The following PLCH1 variants were observed in gnomAD, a reference collection of about 807,000 sequenced individuals.
PLCH1 encodes the protein phospholipase C eta 1.
A neutral mutation model predicts 126.7 loss-of-function variants in PLCH1; 60 were observed. The ratio of observed to expected loss-of-function variants is 0.47; its 90% CI spans 0.38 to 0.59. The LOEUF is 0.59. Among genes scored for constraint, PLCH1 ranks in the 20% least tolerant of loss-of-function variants. The pLI, the probability that PLCH1 is intolerant of heterozygous loss-of-function variation, is 0.00. For missense variants in PLCH1, 1,723 were observed against 2,040.0 expected, an observed-to-expected ratio of 0.84 and a Z score of 2.99; for synonymous variants, 719 against 734.9, an observed-to-expected ratio of 0.98 and a Z score of 0.35.
At chr3:155,494,636 G>A (rs547046666) in intron 15 of PLCH1, 119 bp from the exon 16 acceptor site, 32 of 770,790 alleles carry the variant, frequency 4.2e-5, no homozygotes, top group Non-Finnish European at 6.7e-5. Context: ...GCACTAGAGA[G>A]TGGATTCAAC....
At chr3:155,730,816 C>T (rs1395239505) in intron 1 of PLCH1, among the ~76,000 whole-genome samples, 1 of 152,292 alleles carries the variant, frequency 6.6e-6, no homozygotes, top group East Asian at 1.9e-4. Flanking sequence ...CCCAGGTCAC[C>T]CATGCTTTAA....
intron 2 of PLCH1, among the ~76,000 whole-genome samples, chr3:155,606,358 A>C (rs187962255): frequency 6.6e-6 from 1 of 152,296 alleles, no homozygotes; most frequent in African/African-American, 2.4e-5. Flanking sequence ...AAGAACTGTA[A>C]ATGGACAGAT....
intron 9 of PLCH1, among the ~76,000 whole-genome samples, chr3:155,551,339 G>A (rs958961164): frequency 1.4e-4 from 21 of 150,068 alleles, no homozygotes; most frequent in Admixed American, 2.7e-4. Flanking sequence ...CAGATACTCA[G>A]GAGGCTGAGG....
chr3:155,605,174 C>T (rs1034976388), intron 2 of PLCH1, among the ~76,000 whole-genome samples: 2 of 152,136 alleles, frequency 1.3e-5, no homozygotes, highest in African/African-American at 4.8e-5. Context: ...TTGTCTCCAC[C>T]ACGTGGAGGG....
intron 10 of PLCH1, among the ~76,000 whole-genome samples, chr3:155,530,596 C>A (rs1470892079): frequency 6.6e-6 from 1 of 152,184 alleles, no homozygotes; most frequent in Non-Finnish European, 1.5e-5. Flanking sequence ...ACTTCTAGTT[C>A]TCTTGTTATT....
intron 10 of PLCH1, among the ~76,000 whole-genome samples, chr3:155,546,802 T>G (rs944050784): frequency 6.7e-6 from 1 of 149,606 alleles, no homozygotes; most frequent in Non-Finnish European, 1.5e-5. Context: ...GATTCCCTAT[T>G]TAATAAATGG....
At chr3:155,458,009 G>T (rs931645176) in intron 21 of PLCH1, among the ~76,000 whole-genome samples, 2 of 152,166 alleles carry the variant, frequency 1.3e-5, no homozygotes, top group Non-Finnish European at 2.9e-5. Flanking sequence ...TGCCAGAGGG[G>T]ACCCAGAGAG....
intron 1 of PLCH1, among the ~76,000 whole-genome samples, chr3:155,738,740 T>G (rs1213815433): frequency 7.5e-6 from 1 of 134,108 alleles, no homozygotes; most frequent in African/African-American, 2.9e-5. Context: ...TGAGCCGAGA[T>G]CCCCCCACTG....
chr3:155,523,119 C>G (rs1428569847), intron 11 of PLCH1, among the ~76,000 whole-genome samples: 2 of 152,170 alleles, frequency 1.3e-5, no homozygotes, highest in South Asian at 2.1e-4. Context: ...GGACTACAGG[C>G]GCCCACCACC....
rs150841424 is a variant in PLCH1, at chr3:155,648,568, CAAAT to C, written c.80-52194_80-52191del. Among the ~76,000 whole-genome samples, 888 of 152,274 alleles carry C rather than the reference CAAAT, an allele frequency of 5.8e-3. 11 individuals are homozygous for C. Among genetic ancestry groups the C allele is most frequent in the African/African-American group, 0.02 (841 of 41,560 alleles). ...GTTATTCATATGTTCTCTCTTTCAGCAAATAAATCGTGAGCATCTACTGTGTATG... is the reference window on the plus strand; with the variant it reads ...GTTATTCATATGTTCTCTCTTTCAGCAAATCGTGAGCATCTACTGTGTATG... On this transcript the variant is annotated intron_variant, in intron 2 of 22. Transcript: ENST00000460012.
chr3:155,626,817 T>A (rs1208952114), intron 2 of PLCH1, among the ~76,000 whole-genome samples: 1 of 148,380 alleles, frequency 6.7e-6, no homozygotes, highest in Non-Finnish European at 1.5e-5. Flanking sequence ...GATGATAAGT[T>A]TAACTACTTG....
chr3:155,564,996 G>A lies in PLCH1; in HGVS notation c.988C>T (p.Leu330=), dbSNP rs2108511044. Residue 330 remains leucine, a synonymous_variant, in exon 8 of 23, where the codon CTG becomes TTG. Coordinates refer to ENST00000460012, the MANE Select transcript of PLCH1 (RefSeq NM_014996.4). The part of the protein sequence containing the change: ...YYIASSHNTY[L]TGDQLLSQSK... Reference sequence around the variant, plus strand: ...TGAGAAAGGAGCTGGTCTCCAGTCAGGTATGTATTGTGAGAGGAAGCAATG... The same window carrying A: ...TGAGAAAGGAGCTGGTCTCCAGTCAAGTATGTATTGTGAGAGGAAGCAATG... The A allele has an allele frequency of 6.2e-7, 1 of 1,613,670 alleles. No homozygotes were observed. Among genetic ancestry groups the A allele is most frequent in the Non-Finnish European group, 8.5e-7 (1 of 1,179,590 alleles).
intron 1 of PLCH1, among the ~76,000 whole-genome samples, chr3:155,728,134 C>T (rs1748483292): frequency 6.6e-6 from 1 of 152,154 alleles, no homozygotes; most frequent in African/African-American, 2.4e-5. Flanking sequence ...TACTTTCTTA[C>T]TGGTTCATTG....
At chr3:155,678,303 T>C (rs1744252077) in intron 2 of PLCH1, among the ~76,000 whole-genome samples, 1 of 152,184 alleles carries the variant, frequency 6.6e-6, no homozygotes, top group South Asian at 2.1e-4. Context: ...GGCAGGTTTA[T>C]TCTGAGTGGC....
At chr3:155,498,699 T>C (rs1262335384) in intron 14 of PLCH1, among the ~76,000 whole-genome samples, 1 of 152,228 alleles carries the variant, frequency 6.6e-6, no homozygotes, top group Non-Finnish European at 1.5e-5. Context: ...GGATGTTTAC[T>C]TTCTTCTTTA....
intron 10 of PLCH1, among the ~76,000 whole-genome samples, chr3:155,533,324 G>A (rs540813901): frequency 6.6e-6 from 1 of 152,180 alleles, no homozygotes; most frequent in South Asian, 2.1e-4. Context: ...AGGCAGGTGG[G>A]TCACCTGGGG....
intron 10 of PLCH1, among the ~76,000 whole-genome samples, chr3:155,547,860 A>C (rs1334870031): frequency 1.5e-5 from 2 of 132,046 alleles, no homozygotes; most frequent in Non-Finnish European, 3.1e-5. Context: ...TGGACACAGG[A>C]AGGGGACATC....
intron 1 of PLCH1, among the ~76,000 whole-genome samples, chr3:155,730,452 C>T (rs951282573): frequency 3.3e-5 from 5 of 151,838 alleles, no homozygotes; most frequent in African/African-American, 7.3e-5. Context: ...AGCTAATTTT[C>T]GTATTTTTAG....
At chr3:155,590,885 T>G in intron 4 of PLCH1, among the ~76,000 whole-genome samples, 1 of 151,824 alleles carries the variant, frequency 6.6e-6, no homozygotes, top group Non-Finnish European at 1.5e-5. Context: ...CATCAATTTA[T>G]TATTTCTCTT....
Sources: allele counts gnomAD v4.1 joint callset (sites outside exome capture counted in the v4.1 genomes callset), GRCh38; gene constraint gnomAD v4.1.1; transcripts MANE v1.5; gene names NCBI Gene and HGNC (gene_info 2026-07-23, HGNC 2026-07-21).